Variants in MAP7D2 observed in about 807,000 individuals in gnomAD.
The protein encoded by MAP7D2 is MAP7 domain-containing protein 2.
MAP7D2 carries 33 observed loss-of-function variants against 63.5 expected under a neutral mutation model. That is an observed-to-expected ratio of 0.52 (90% CI 0.39 to 0.70). The LOEUF (loss-of-function observed/expected upper bound fraction) is 0.70, where lower values mean the gene tolerates loss of function less well. Ranked by LOEUF, MAP7D2 falls within the 30% of genes least tolerant of loss-of-function variation. The pLI is 0.00. For synonymous variants in MAP7D2, 224 were observed against 223.7 expected, an observed-to-expected ratio of 1.00 and a Z score of -0.01; for missense variants, 626 against 604.0, an observed-to-expected ratio of 1.04 and a Z score of -0.38.
At chrX:20,064,055 C>G (rs777729364) in intron 2 of MAP7D2, among the ~76,000 whole-genome samples, 4 of 112,231 alleles carry the variant, frequency 3.6e-5, no homozygotes. Context: ...GTAAAACACA[C>G]GAACAAAATT....
At chrX:20,049,372 A>G (rs1009774018) in intron 6 of MAP7D2, among the ~76,000 whole-genome samples, 1 of 107,429 alleles carries the variant, frequency 9.3e-6, no homozygotes, top group Admixed American at 1.0e-4. Flanking sequence ...CCTGGGCTCA[A>G]GTGATTCTCC....
At chrX:20,091,669 C>T (rs1311233439) in intron 1 of MAP7D2, among the ~76,000 whole-genome samples, 5 of 111,650 alleles carry the variant, frequency 4.5e-5, no homozygotes, top group African/African-American at 1.3e-4. Flanking sequence ...TCTAAAAGTA[C>T]ACTGTGCTTC....
chrX:20,067,151 A>G (rs1247507154), intron 1 of MAP7D2, among the ~76,000 whole-genome samples: 1 of 112,360 alleles, frequency 8.9e-6, no homozygotes, highest in Non-Finnish European at 1.9e-5. Context: ...GCAGGGCCTG[A>G]ACCTAGCTCT....
chrX:20,037,033 T>G, intron 8 of MAP7D2, among the ~76,000 whole-genome samples: 1 of 110,533 alleles, frequency 9.0e-6, no homozygotes, highest in Non-Finnish European at 1.9e-5. Context: ...ACTCCATCCT[T>G]AATATTCTGT....
chrX:20,111,918 G>A (rs2066753574), intron 1 of MAP7D2, among the ~76,000 whole-genome samples: 1 of 111,295 alleles, frequency 9.0e-6, no homozygotes. Context: ...CTACAGGTAC[G>A]TGCCATCACG....
chrX:20,008,103 G>A lies in MAP7D2; in HGVS notation c.*322C>T, dbSNP rs761205105. On this transcript the variant is annotated 3_prime_UTR_variant, in exon 17 of 17. Transcript: ENST00000379643. The stretch of plus-strand genomic sequence containing the variant: ...AAGAATGGTTATAAAGCGAATTGCC[G>A]AGCCAGTCACTCAGGTTATTCAGAG... The A allele has an allele frequency of 1.8e-5, 2 of 112,105 alleles. No individual in the cohort carries two copies. The highest frequency in any genetic ancestry group is 3.8e-5 in the Non-Finnish European group (2 of 53,276). The allele number at this position is 112,105 out of a possible 1,213,427, so 9.2% of individuals were successfully genotyped here. A position where few individuals can be genotyped will look rare whatever the true frequency, so the allele number is the denominator to read the frequency against.
At chrX:20,038,207 G>A (rs912018849) in intron 8 of MAP7D2, among the ~76,000 whole-genome samples, 7 of 111,953 alleles carry the variant, frequency 6.3e-5, no homozygotes, top group African/African-American at 2.3e-4. Context: ...TACTTACTCT[G>A]GATATAGGTT....
chrX:20,015,549 T>A (rs1472479696), intron 11 of MAP7D2, among the ~76,000 whole-genome samples: 1 of 112,609 alleles, frequency 8.9e-6, no homozygotes, highest in East Asian at 2.8e-4. Flanking sequence ...CTGCAGACAG[T>A]TCTCACACAT....
At chrX:20,040,620 T>A (rs1412883200) in intron 8 of MAP7D2, among the ~76,000 whole-genome samples, 3 of 111,035 alleles carry the variant, frequency 2.7e-5, no homozygotes, top group Non-Finnish European at 5.7e-5. Flanking sequence ...TATTACTCTG[T>A]CTCAGGGTGT....
intron 8 of MAP7D2, among the ~76,000 whole-genome samples, chrX:20,030,406 G>A (rs1420897912): frequency 8.9e-6 from 1 of 111,908 alleles, no homozygotes; most frequent in African/African-American, 3.3e-5. Flanking sequence ...GATTCACAAG[G>A]TGTGTTTAGG....
intron 1 of MAP7D2, among the ~76,000 whole-genome samples, chrX:20,107,707 A>T (rs761900628): frequency 1.8e-5 from 2 of 111,877 alleles, no homozygotes; most frequent in African/African-American, 6.5e-5. Context: ...TTAAGATTAC[A>T]TATGTGGCTA....
chrX:20,058,523 G>A (rs1165695075), intron 3 of MAP7D2, among the ~76,000 whole-genome samples: 1 of 111,516 alleles, frequency 9.0e-6, no homozygotes, highest in African/African-American at 3.3e-5. Flanking sequence ...TATCTGGGGG[G>A]CACCCTTGTA....
chrX:20,039,786 G>A (rs2064599424), intron 8 of MAP7D2, among the ~76,000 whole-genome samples: 1 of 110,488 alleles, frequency 9.1e-6, no homozygotes, highest in Non-Finnish European at 1.9e-5. Flanking sequence ...GGATCACAAG[G>A]TCAGGAGATG....
intron 11 of MAP7D2, 128 bp from the exon 12 acceptor site, chrX:20,015,455 A>G (rs963981457): frequency 9.6e-6 from 5 of 522,524 alleles, no homozygotes; most frequent in Non-Finnish European, 1.6e-5. Flanking sequence ...CCAATATTCA[A>G]TGTGGATTTA....
At chrX:20,042,916 GAA>G (rs1253418109) in intron 7 of MAP7D2, among the ~76,000 whole-genome samples, 2 of 112,163 alleles carry the variant, frequency 1.8e-5, no homozygotes, top group African/African-American at 3.2e-5. Context: ...TATAGGAACT[GAA>G]AAGAGTATAA....
chrX:20,081,236 T>C (rs1462949264), intron 1 of MAP7D2, among the ~76,000 whole-genome samples: 1 of 112,125 alleles, frequency 8.9e-6, no homozygotes, highest in Admixed American at 9.5e-5. Flanking sequence ...TGGTGATGTG[T>C]ATGTGTGTTT....
chrX:20,056,909 A>G (rs2065084526), intron 3 of MAP7D2, 118 bp from the exon 4 acceptor site: 4 of 598,735 alleles, frequency 6.7e-6, no homozygotes, highest in Non-Finnish European at 1.1e-5. Flanking sequence ...CTCAGCATCC[A>G]AAACCCAGGC....
At chrX:20,013,322 T>C (rs1245080243) in intron 13 of MAP7D2, among the ~76,000 whole-genome samples, 190 bp from the exon 14 acceptor site, 2 of 112,149 alleles carry the variant, frequency 1.8e-5, no homozygotes, top group African/African-American at 6.5e-5. Context: ...TTTTTATTCA[T>C]GGACTACTAT....
rs764776681 is a variant in MAP7D2 at position 20,085,581 on chromosome X, T to C, written c.131-20776A>G. 5.3e-5 allele frequency among the ~76,000 whole-genome samples: 6 copies of C among 112,643 alleles called. No individual in the cohort carries two copies. The South Asian group carries it at 1.1e-3, about 21-fold the overall frequency. ...AGCACAGTATCCACCTTCTGAGGTT[T>C]CAAAATTGGAGTTCTCTGCTAAGGA... On this transcript the variant is annotated intron_variant, in intron 1 of 16. Coordinates refer to ENST00000379643, the MANE Select transcript of MAP7D2 (RefSeq NM_001168465.2).
Sources: gnomAD v4.1 joint callset for allele counts (sites outside exome capture counted in the v4.1 genomes callset) on GRCh38, gnomAD v4.1.1 for gene constraint, MANE v1.5 for transcripts, NCBI Gene and HGNC (gene_info 2026-07-23, HGNC 2026-07-21) for gene names.